ARSB: variants seen among roughly 807,000 people sequenced by gnomAD.
ARSB encodes the protein N-acetylgalactosamine-4-sulfatase.
ARSB carries 41 observed loss-of-function variants against 50.9 expected under a neutral mutation model. The observed-to-expected ratio is 0.81, with a 90% confidence interval of 0.63 to 1.04. The LOEUF (loss-of-function observed/expected upper bound fraction) is 1.04. Among genes scored for constraint, ARSB ranks in the 50% least tolerant of loss-of-function variants. ARSB has a pLI of 0.00. For synonymous variants in ARSB, 269 were observed against 284.8 expected, an observed-to-expected ratio of 0.94 and a Z score of 0.56; for missense variants, 672 against 693.3, an observed-to-expected ratio of 0.97 and a Z score of 0.35.
At chr5:78,839,619 C>G (rs916786941) in intron 5 of ARSB, among the ~76,000 whole-genome samples, 193 bp from the exon 6 acceptor site, 1 of 151,994 alleles carries the variant, frequency 6.6e-6, no homozygotes, top group African/African-American at 2.4e-5. Flanking sequence ...TTGACCGAAC[C>G]CTTTACATAA....
chr5:78,898,139 G>T (rs1748655833), intron 4 of ARSB, among the ~76,000 whole-genome samples: 1 of 152,086 alleles, frequency 6.6e-6, no homozygotes, highest in South Asian at 2.1e-4. Flanking sequence ...GTGGTGGCAG[G>T]CACCTATAAT....
At chr5:78,980,648 AAGAG>A (rs895491379) in intron 1 of ARSB, among the ~76,000 whole-genome samples, 5 of 152,176 alleles carry the variant, frequency 3.3e-5, no homozygotes, top group Non-Finnish European at 5.9e-5. Flanking sequence ...ATACAGAAAA[AAGAG>A]AGAAATGATA....
At chr5:78,828,068 C>T (rs1023991111) in intron 6 of ARSB, among the ~76,000 whole-genome samples, 2 of 151,986 alleles carry the variant, frequency 1.3e-5, no homozygotes, top group Non-Finnish European at 2.9e-5. Context: ...AGTTTTCTTA[C>T]ACTGATAAAG....
intron 6 of ARSB, among the ~76,000 whole-genome samples, chr5:78,835,952 C>T (rs1581019904): frequency 6.6e-6 from 1 of 152,280 alleles, no homozygotes; most frequent in East Asian, 1.9e-4. Context: ...AACACTGACT[C>T]CATTGTTAAC....
chr5:78,937,323 GAT>G (rs10551102), intron 4 of ARSB, among the ~76,000 whole-genome samples: 36,768 of 77,790 alleles, frequency 0.47, 8,898 homozygotes, highest in East Asian at 0.63. Flanking sequence ...ATATATGTAA[GAT>G]ATATATATGT....
chr5:78,935,873 T>C (rs1392311018), intron 4 of ARSB, among the ~76,000 whole-genome samples: 1 of 151,912 alleles, frequency 6.6e-6, no homozygotes, highest in Non-Finnish European at 1.5e-5. Context: ...CCTGAGTATT[T>C]ACAAAAGTCC....
intron 6 of ARSB, among the ~76,000 whole-genome samples, chr5:78,838,989 G>C (rs1478420122): frequency 2.0e-5 from 3 of 152,176 alleles, no homozygotes; most frequent in African/African-American, 7.2e-5. Context: ...GAGTTTTCTG[G>C]AAGGTGGCTC....
intron 4 of ARSB, among the ~76,000 whole-genome samples, chr5:78,899,257 C>A (rs1028464197): frequency 6.6e-6 from 1 of 152,066 alleles, no homozygotes; most frequent in Non-Finnish European, 1.5e-5. Flanking sequence ...TGTCCTTGAC[C>A]TTTGAGAGTT....
intron 4 of ARSB, among the ~76,000 whole-genome samples, chr5:78,930,620 A>C (rs527347335): frequency 5.3e-5 from 8 of 152,372 alleles, no homozygotes; most frequent in Middle Eastern, 3.4e-3. Context: ...ATATTTTCTC[A>C]TTAAGAAAAC....
intron 6 of ARSB, among the ~76,000 whole-genome samples, chr5:78,789,515 C>A (rs1749180039): frequency 6.6e-6 from 1 of 152,056 alleles, no homozygotes; most frequent in African/African-American, 2.4e-5. Context: ...AAGCAATATC[C>A]CAGAAAGACA....
intron 6 of ARSB, among the ~76,000 whole-genome samples, chr5:78,810,076 G>C (rs539091700): frequency 1.4e-4 from 21 of 152,330 alleles, no homozygotes; most frequent in Admixed American, 1.2e-3. Context: ...AGCAAACTCT[G>C]TTCTCCTAAT....
intron 5 of ARSB, among the ~76,000 whole-genome samples, chr5:78,853,869 C>T (rs113030074): frequency 1.8e-4 from 27 of 152,352 alleles, no homozygotes; most frequent in Non-Finnish European, 1.2e-4. Context: ...GAGCCAGGTG[C>T]GGGATATAAT....
chr5:78,830,503 A>C (rs1744623888), intron 6 of ARSB, among the ~76,000 whole-genome samples: 5 of 152,132 alleles, frequency 3.3e-5, no homozygotes, highest in African/African-American at 1.2e-4. Context: ...GTGAGAGTTA[A>C]TTAGTGTTTT....
intron 6 of ARSB, 104 bp from the exon 7 acceptor site, chr5:78,782,078 G>A (rs1191867487): frequency 7.1e-7 from 1 of 1,412,586 alleles, no homozygotes; most frequent in Non-Finnish European, 1.0e-6. Context: ...ATTCAACACT[G>A]GAGTGCAAAT....
chr5:78,921,659 G>A (rs1316445677), intron 4 of ARSB, among the ~76,000 whole-genome samples: 1 of 152,104 alleles, frequency 6.6e-6, no homozygotes, highest in East Asian at 1.9e-4. Flanking sequence ...AGTAACAGAA[G>A]AGATCTGGAA....
rs535178253 is a variant in ARSB, at chr5:78,844,413, A to G, written c.1143-4987T>C. On this transcript the variant is annotated intron_variant, in intron 5 of 7. Coordinates refer to ENST00000264914, the MANE Select transcript of ARSB (RefSeq NM_000046.5). The stretch of plus-strand genomic sequence containing the variant: ...ACTTGTCTTTTTATGATTGAGTTGC[A>G]TGAATTCTTTATATATTCTATTTGC... Among the ~76,000 whole-genome samples, 52 of 152,272 alleles carry G rather than the reference A, an allele frequency of 3.4e-4. No homozygotes were observed. In the South Asian group the frequency reaches 7.0e-3, roughly 21 times the overall value.
At chr5:78,873,298 T>G (rs2112161784) in intron 5 of ARSB, among the ~76,000 whole-genome samples, 1 of 152,082 alleles carries the variant, frequency 6.6e-6, no homozygotes, top group East Asian at 1.9e-4. Context: ...CATGACATTC[T>G]CTATGTGAAA....
At chr5:78,798,385 G>GT (rs957940052) in intron 6 of ARSB, among the ~76,000 whole-genome samples, 6 of 133,444 alleles carry the variant, frequency 4.5e-5, no homozygotes, top group African/African-American at 1.8e-4. Flanking sequence ...GGCATTGTGT[G>GT]TAAAAAAAAA....
chr5:78,907,888 T>A (rs1426732674), intron 4 of ARSB, among the ~76,000 whole-genome samples: 3 of 152,128 alleles, frequency 2.0e-5, no homozygotes, highest in African/African-American at 4.8e-5. Context: ...ATAGGGAGAC[T>A]GGCAAATGTG....
Sources: allele counts gnomAD v4.1 joint callset (sites outside exome capture counted in the v4.1 genomes callset), GRCh38; gene constraint gnomAD v4.1.1; transcripts MANE v1.5; gene names NCBI Gene and HGNC (gene_info 2026-07-23, HGNC 2026-07-21).